Variants in TBC1D19 observed in about 807,000 individuals in gnomAD.
TBC1D19 encodes the protein TBC1 domain family member 19, also known as TBC1 domain family, member 19.
Under a neutral mutation model 89.0 loss-of-function variants are expected in TBC1D19, and 60 were observed. The observed-to-expected ratio is 0.67, with a 90% CI of 0.55 to 0.84. The LOEUF (loss-of-function observed/expected upper bound fraction) is 0.84. TBC1D19 is among the 40% of genes least tolerant of loss of function. The probability of loss-of-function intolerance (pLI) is 0.00; values close to 1 mark genes in which losing one functional copy is unlikely to be tolerated. For missense variants in TBC1D19, 500 were observed against 610.8 expected (o/e 0.82, Z 1.91); for synonymous variants, 189 against 199.7 (o/e 0.95, Z 0.45).
chr4:26,736,467 C>T (rs1033462177), intron 16 of TBC1D19, among the ~76,000 whole-genome samples: 4 of 150,042 alleles, frequency 2.7e-5, no homozygotes, highest in South Asian at 2.2e-4. Context: ...GTGGGTGCAG[C>T]GCACCAGCAT....
At chr4:26,669,175 T>C (rs1254229683) in intron 9 of TBC1D19, among the ~76,000 whole-genome samples, 4 of 151,804 alleles carry the variant, frequency 2.6e-5, no homozygotes, top group African/African-American at 9.7e-5. Context: ...TTCTACTAAA[T>C]AGACATTTTC....
intron 1 of TBC1D19, among the ~76,000 whole-genome samples, chr4:26,595,187 A>G (rs1029084921): frequency 6.6e-6 from 1 of 152,196 alleles, no homozygotes; most frequent in African/African-American, 2.4e-5. Context: ...CTAATGACAT[A>G]TGATATTAAG....
At chr4:26,654,291 C>G (rs1007272705) in intron 7 of TBC1D19, among the ~76,000 whole-genome samples, 1 of 152,178 alleles carries the variant, frequency 6.6e-6, no homozygotes, top group Non-Finnish European at 1.5e-5. Flanking sequence ...ACCTTTCTCT[C>G]TGGCTGCCCT....
At chr4:26,810,029 C>A in the TBC1D19 span, among the ~76,000 whole-genome samples, 1 of 152,218 alleles carries the variant, frequency 6.6e-6, no homozygotes, top group Non-Finnish European at 1.5e-5. Context: ...TTCTCTCCAG[C>A]TGGCAACTCC....
At chr4:26,718,271 G>A (rs149024028) in intron 14 of TBC1D19, among the ~76,000 whole-genome samples, 65 of 150,034 alleles carry the variant, frequency 4.3e-4, no homozygotes, top group African/African-American at 1.6e-3. Context: ...ACCCTTTATT[G>A]TTGTTTTTAT....
chr4:26,620,224 T>C (rs1370443112), intron 3 of TBC1D19, among the ~76,000 whole-genome samples: 1 of 152,236 alleles, frequency 6.6e-6, no homozygotes, highest in Non-Finnish European at 1.5e-5. Context: ...TTCACACTCA[T>C]GTCTTGGTTT....
the TBC1D19 span, among the ~76,000 whole-genome samples, chr4:26,834,523 G>A: frequency 1.3e-4 from 19 of 151,906 alleles, no homozygotes; most frequent in Admixed American, 1.0e-3. Flanking sequence ...AAAGACAATC[G>A]TCAATCTGGG....
At chr4:26,814,594 CT>C in the TBC1D19 span, among the ~76,000 whole-genome samples, 18 of 152,234 alleles carry the variant, frequency 1.2e-4, no homozygotes, top group Middle Eastern at 3.2e-3. Flanking sequence ...AAGCACAGTG[CT>C]TTAGTCTTAT....
intron 15 of TBC1D19, among the ~76,000 whole-genome samples, chr4:26,727,621 T>G (rs1356081323): frequency 6.6e-6 from 1 of 152,176 alleles, no homozygotes; most frequent in Non-Finnish European, 1.5e-5. Flanking sequence ...CTTGTTTATC[T>G]CCATTTTCAG....
chr4:26,653,562 T>C (rs190526560), intron 7 of TBC1D19, among the ~76,000 whole-genome samples: 33 of 152,334 alleles, frequency 2.2e-4, no homozygotes, highest in African/African-American at 5.8e-4. Flanking sequence ...TGCTCCTGTA[T>C]TGGGTGCATA....
chr4:26,844,457 A>C, the TBC1D19 span, among the ~76,000 whole-genome samples: 7 of 152,248 alleles, frequency 4.6e-5, no homozygotes, highest in African/African-American at 1.7e-4. Flanking sequence ...ATAAGTCCCA[A>C]AACTTTGAAA....
chr4:26,593,632 C>G (rs976082544), intron 1 of TBC1D19, among the ~76,000 whole-genome samples: 1 of 152,102 alleles, frequency 6.6e-6, no homozygotes, highest in Non-Finnish European at 1.5e-5. Context: ...TGAACTCAAA[C>G]AAATTTACAA....
the TBC1D19 span, among the ~76,000 whole-genome samples, chr4:26,767,047 G>A: frequency 6.6e-6 from 1 of 152,104 alleles, no homozygotes; most frequent in African/African-American, 2.4e-5. Context: ...GCTCACATCT[G>A]TAATCCTAAC....
At chr4:26,746,373 AC>A (rs973932714) in intron 18 of TBC1D19, among the ~76,000 whole-genome samples, 1 of 151,486 alleles carries the variant, frequency 6.6e-6, no homozygotes, top group Non-Finnish European at 1.5e-5. Context: ...ACAGCCCTTC[AC>A]TTTTTCTTAA....
chr4:26,659,605 T>C lies in TBC1D19; in HGVS notation c.489T>C (p.Ile163=). 1.3e-6 allele frequency: 2 copies of C among 1,585,870 alleles called. No individual in the cohort carries two copies. The highest frequency in any genetic ancestry group is 1.3e-5 in the African/African-American group (1 of 74,780). Residue 163 remains isoleucine (I), a synonymous_variant, in exon 8 of 21, where the codon ATT becomes ATC. Transcript: ENST00000264866. The part of the protein sequence containing the change: ...YAPKDFLEVL[I]NLRNPNYENG... ...TGGATTTGTTTTTAAAGGTATTAAT[T>C]AATCTTCGCAACCCAAATTATGAAA...
chr4:26,619,012 T>G (rs751754727), intron 3 of TBC1D19, among the ~76,000 whole-genome samples: 1 of 152,156 alleles, frequency 6.6e-6, no homozygotes, highest in African/African-American at 2.4e-5. Flanking sequence ...TTTGTTCACT[T>G]CTGTATCTCT....
intron 1 of TBC1D19, among the ~76,000 whole-genome samples, chr4:26,578,686 G>A (rs967784540): frequency 2.6e-5 from 4 of 152,158 alleles, no homozygotes; most frequent in African/African-American, 9.7e-5. Context: ...TAGGCCAAGT[G>A]AATCCTGCTC....
rs1039546657 is a variant in TBC1D19, at chr4:26,666,540, T to G, written c.664+135T>G. 1.3e-4 allele frequency: 80 copies of G among 602,606 alleles called. No individual in the cohort carries two copies. In the East Asian group the frequency reaches 2.2e-3, roughly 17 times the overall value. The allele number at this position is 602,606 out of a possible 1,614,324, so 37.3% of individuals were successfully genotyped here. On this transcript the variant is annotated intron_variant, in intron 9 of 20. Coordinates refer to ENST00000264866, the MANE Select transcript of TBC1D19 (RefSeq NM_018317.4). ...CATGCTTTTGCCTCTCCTTGGTTAC[T>G]GTTATTTATTGAATAGAATCCTGTA...
the TBC1D19 span, among the ~76,000 whole-genome samples, chr4:26,781,484 C>T: frequency 6.6e-6 from 1 of 152,180 alleles, no homozygotes; most frequent in Non-Finnish European, 1.5e-5. Context: ...CCCAATCTAT[C>T]TAAAAGGAAA....
Sources: gnomAD v4.1 joint callset for allele counts (sites outside exome capture counted in the v4.1 genomes callset) on GRCh38, gnomAD v4.1.1 for gene constraint, MANE v1.5 for transcripts, NCBI Gene and HGNC (gene_info 2026-07-23, HGNC 2026-07-21) for gene names.